SAMSN1: variants seen among roughly 807,000 people sequenced by gnomAD.
The protein encoded by SAMSN1 is SAM domain, SH3 domain and nuclear localization signals 1, also known as SAM domain-containing protein SAMSN-1.
In SAMSN1, 31 loss-of-function variants were observed where a neutral mutation model predicts 42.0. The ratio of observed to expected loss-of-function variants is 0.74; its 90% confidence interval spans 0.55 to 1.00. The LOEUF (loss-of-function observed/expected upper bound fraction) is 1.00, where lower values mean the gene tolerates loss of function less well. SAMSN1 is among the 50% of genes least tolerant of loss of function. The probability of loss-of-function intolerance (pLI) is 0.00; values close to 1 mark genes in which losing one functional copy is unlikely to be tolerated. For synonymous variants in SAMSN1, 178 were observed against 151.9 expected, an observed-to-expected ratio of 1.17 and a Z score of -1.26; for missense variants, 464 against 439.4, an observed-to-expected ratio of 1.06 and a Z score of -0.50.
chr21:14,639,336 T>C (rs191596388), intron 2 of SAMSN1, among the ~76,000 whole-genome samples: 14 of 152,258 alleles, frequency 9.2e-5, no homozygotes, highest in Admixed American at 9.2e-4. Context: ...AGGGGCCACA[T>C]CTCGTGAGGA....
At chr21:14,548,114 GTTTTTAAGTGAACCA>G (rs1336878151), upstream of SAMSN1, among the ~76,000 whole-genome samples, 11 of 152,042 alleles carry the variant, frequency 7.2e-5, no homozygotes, top group African/African-American at 2.7e-4. Flanking sequence ...ATAAAAATAC[GTTTTTAAGTGAACCA>G]TTTGCACCCT....
rs781248110 is a variant in SAMSN1 at position 14,516,907 on chromosome 21, G to T, written c.264C>A (p.Ala88=). 3.9e-5 allele frequency: 62 copies of T among 1,606,740 alleles called. No homozygotes were observed. The East Asian group carries it at 1.3e-3, about 35-fold the overall frequency. Residue 88 remains alanine (A), a synonymous_variant, in exon 3 of 8, where the codon GCC becomes GCA. Transcript: ENST00000400566. Reference sequence around the variant, plus strand: ...GAATATTTACCTTTTCCTCAGAAAGGGCTTTGATGTACTTTTTACCCACTT... The same window carrying T: ...GAATATTTACCTTTTCCTCAGAAAGTGCTTTGATGTACTTTTTACCCACTT... ...KKKVGKKYIK[A]LSEEKDEEDG...
At chr21:14,549,155 A>G (rs1457772346), upstream of SAMSN1, among the ~76,000 whole-genome samples, 3 of 152,154 alleles carry the variant, frequency 2.0e-5, no homozygotes, top group Admixed American at 2.0e-4. Flanking sequence ...TCCAACAAAT[A>G]TTTATTTAGT....
chr21:14,651,459 A>C (rs1184779536), intron 1 of SAMSN1, among the ~76,000 whole-genome samples: 2 of 152,062 alleles, frequency 1.3e-5, no homozygotes, highest in African/African-American at 2.4e-5. Context: ...TTTATACTAA[A>C]AAATCATTTT....
intron 4 of SAMSN1, chr21:14,612,738 G>A (rs1041284141): frequency 3.0e-6 from 2 of 661,076 alleles, no homozygotes; most frequent in African/African-American, 1.8e-5. Context: ...TTTAAAAAAT[G>A]TTCTTCTATA....
At chr21:14,512,732 C>T (rs989579731) in intron 3 of SAMSN1, among the ~76,000 whole-genome samples, 159 bp from the exon 4 acceptor site, 4 of 152,194 alleles carry the variant, frequency 2.6e-5, no homozygotes, top group African/African-American at 9.6e-5. Context: ...CAATTTCTAG[C>T]AAAACCTTTC....
chr21:14,495,582 C>T (rs1032048473), intron 7 of SAMSN1: 1 of 151,976 alleles, frequency 6.6e-6, no homozygotes, highest in Non-Finnish European at 1.5e-5. Context: ...GAATTTGGCT[C>T]TGTGTATGTT....
chr21:14,515,430 A>G (rs975008070), intron 3 of SAMSN1, among the ~76,000 whole-genome samples: 1 of 152,188 alleles, frequency 6.6e-6, no homozygotes, highest in African/African-American at 2.4e-5. Context: ...TAGTGTAAGG[A>G]CAACTATATA....
At chr21:14,565,676 G>A (rs1475946070) in intron 2 of SAMSN1, among the ~76,000 whole-genome samples, 1 of 152,152 alleles carries the variant, frequency 6.6e-6, no homozygotes, top group Non-Finnish European at 1.5e-5. Context: ...GAAAGAGACT[G>A]TGGATCAGAG....
chr21:14,549,379 T>A (rs987318269), upstream of SAMSN1, among the ~76,000 whole-genome samples: 1 of 152,190 alleles, frequency 6.6e-6, no homozygotes, highest in African/African-American at 2.4e-5. Flanking sequence ...ACTGGTTCAA[T>A]GGATGAAGGG....
intron 2 of SAMSN1, among the ~76,000 whole-genome samples, chr21:14,518,055 A>T (rs1381124630): frequency 6.6e-6 from 1 of 152,234 alleles, no homozygotes; most frequent in Non-Finnish European, 1.5e-5. Context: ...TTGCCATGCT[A>T]GCCCCCTTGC....
chr21:14,658,928 A>G, upstream of SAMSN1: 1 of 613,628 alleles, frequency 1.6e-6, no homozygotes, highest in Non-Finnish European at 2.9e-6. Flanking sequence ...ACCATTATCA[A>G]ATAATATAGG....
rs138471465 is a variant in SAMSN1, at chr21:14,640,503, C to T, written c.156+2499G>A. On this transcript the variant is annotated intron_variant, in intron 2 of 15. Transcript: ENST00000647101. The stretch of plus-strand genomic sequence containing the variant: ...TTTTCTGGTACTGTTAAGTCTGGTC[C>T]GAAACTTTTTTTCCTTACATCAAGA... 3.6e-3 allele frequency among the ~76,000 whole-genome samples: 541 copies of T among 151,960 alleles called. 2 individuals are homozygous for T. Among genetic ancestry groups the T allele is most frequent in the African/African-American group, 0.011 (467 of 41,456 alleles).
chr21:14,487,438 G>A (rs544556723), intron 7 of SAMSN1, among the ~76,000 whole-genome samples: 3 of 151,770 alleles, frequency 2.0e-5, no homozygotes, highest in South Asian at 4.2e-4. Flanking sequence ...GTGTCCAATT[G>A]CCATCAACTT....
intron 4 of SAMSN1, chr21:14,612,746 A>G (rs1279696162): frequency 4.5e-6 from 3 of 660,162 alleles, no homozygotes; most frequent in South Asian, 1.6e-5. Flanking sequence ...ATGTTCTTCT[A>G]TATAATTCAA....
chr21:14,549,898 G>T (rs1433111645), upstream of SAMSN1, among the ~76,000 whole-genome samples: 3 of 151,474 alleles, frequency 2.0e-5, no homozygotes, highest in Non-Finnish European at 4.4e-5. Flanking sequence ...ACCTGTTTGG[G>T]GTTTCACGGA....
intron 1 of SAMSN1, among the ~76,000 whole-genome samples, chr21:14,526,175 T>C (rs945500617): frequency 6.6e-6 from 1 of 152,192 alleles, no homozygotes; most frequent in Non-Finnish European, 1.5e-5. Context: ...GCCAGTTTCA[T>C]AACTTTAATA....
At position 14,609,730 on chromosome 21, in the gene SAMSN1, C is replaced by T. The variant is rs549079565; in HGVS notation, c.236-162G>A. ...AGGTGATGCAGGAAGTCAGGGACCC[C>T]GAACGGAGGGACCGGCTGAAGCCAT... is the stretch of plus-strand genomic sequence containing the variant. On this transcript the variant is annotated intron_variant, in intron 4 of 15. Transcript: ENST00000647101. 9.9e-5 allele frequency among the ~76,000 whole-genome samples: 15 copies of T among 152,210 alleles called. No homozygotes were observed. The East Asian group carries it at 1.2e-3, about 12-fold the overall frequency.
chr21:14,486,785 C>T (rs973610949), intron 7 of SAMSN1, among the ~76,000 whole-genome samples: 3 of 152,116 alleles, frequency 2.0e-5, no homozygotes, highest in African/African-American at 7.2e-5. Flanking sequence ...ATATCTTTGT[C>T]TGTAGTCCTG....
Sources: allele counts gnomAD v4.1 joint callset (sites outside exome capture counted in the v4.1 genomes callset), GRCh38; gene constraint gnomAD v4.1.1; transcripts MANE v1.5; gene names NCBI Gene and HGNC (gene_info 2026-07-23, HGNC 2026-07-21).